The following TUSC3 variants were observed in gnomAD, a reference collection of about 807,000 sequenced individuals.
TUSC3 encodes the protein tumor suppressor candidate 3.
TUSC3 carries 45 observed loss-of-function variants against 44.8 expected under a neutral mutation model. The ratio of observed to expected loss-of-function variants is 1.00; its 90% CI spans 0.79 to 1.29. TUSC3 has a LOEUF of 1.29. TUSC3 is among the 50% of genes most tolerant of loss of function. TUSC3 has a pLI of 0.00. For synonymous variants in TUSC3, 212 were observed against 152.9 expected (o/e 1.39, Z -2.85); for missense variants, 519 against 437.9 (o/e 1.19, Z -1.65).
intron 1 of TUSC3, among the ~76,000 whole-genome samples, chr8:15,582,767 C>G (rs560141619): frequency 1.3e-5 from 2 of 152,324 alleles, no homozygotes; most frequent in South Asian, 2.1e-4. Flanking sequence ...CAACCTGCCT[C>G]AACTCGAAGA....
intron 6 of TUSC3, among the ~76,000 whole-genome samples, chr8:15,727,728 C>G (rs1279995701): frequency 1.3e-5 from 2 of 152,182 alleles, no homozygotes; most frequent in Non-Finnish European, 2.9e-5. Flanking sequence ...GAAACAGCTT[C>G]TCGGCCTTTT....
chr8:15,549,751 T>TAAA (rs1225991032), intron 1 of TUSC3, among the ~76,000 whole-genome samples: 1 of 151,564 alleles, frequency 6.6e-6, no homozygotes, highest in Non-Finnish European at 1.5e-5. Context: ...GGTTGTGCTG[T>TAAA]TTTTTGCCAT....
Position 15,675,553 on chromosome 8 carries a change from C to T in TUSC3, c.798+1717C>T, listed in dbSNP as rs138725989. ...ATTGGGGTATGAATGATCTTGTCAC[C>T]GAAGTACTGAGTATAGTACCAAATA... is the stretch of plus-strand genomic sequence containing the variant. On this transcript the variant is annotated intron_variant, in intron 6 of 10. Coordinates refer to ENST00000503731, the MANE Select transcript of TUSC3 (RefSeq NM_006765.4). Among the ~76,000 whole-genome samples, 234 of 151,966 alleles carry T rather than the reference C, an allele frequency of 1.5e-3. 2 individuals are homozygous for T. The highest frequency in any genetic ancestry group is 2.1e-3 in the Non-Finnish European group (145 of 67,956).
At chr8:15,615,260 T>C (rs1428636958) in intron 1 of TUSC3, among the ~76,000 whole-genome samples, 2 of 152,216 alleles carry the variant, frequency 1.3e-5, no homozygotes, top group African/African-American at 4.8e-5. Flanking sequence ...ATATACACAA[T>C]GGAATGTTAT....
intron 1 of TUSC3, among the ~76,000 whole-genome samples, chr8:15,622,627 T>A (rs1162103918): frequency 6.6e-6 from 1 of 152,166 alleles, no homozygotes; most frequent in African/African-American, 2.4e-5. Flanking sequence ...CATACAACAC[T>A]CTTTTGTGTA....
At chr8:15,547,267 A>G (rs954460966) in intron 1 of TUSC3, among the ~76,000 whole-genome samples, 4 of 151,618 alleles carry the variant, frequency 2.6e-5, no homozygotes, top group Non-Finnish European at 5.9e-5. Context: ...TTAGAAGTAT[A>G]ATTTTTAGAA....
chr8:15,475,452 C>G (rs1458983050), intron 1 of TUSC3, among the ~76,000 whole-genome samples: 1 of 152,226 alleles, frequency 6.6e-6, no homozygotes, highest in East Asian at 1.9e-4. Context: ...TTATTCTTCC[C>G]ATCTTTCAGT....
intron 1 of TUSC3, among the ~76,000 whole-genome samples, chr8:15,480,320 AG>A (rs1800640980): frequency 6.6e-6 from 1 of 152,242 alleles, no homozygotes; most frequent in South Asian, 2.1e-4. Context: ...TCACATAATT[AG>A]AAAAACCTAC....
At chr8:15,742,763 A>G (rs1331949450) in intron 7 of TUSC3, among the ~76,000 whole-genome samples, 2 of 152,248 alleles carry the variant, frequency 1.3e-5, no homozygotes, top group Non-Finnish European at 1.5e-5. Context: ...GGCGAAATAC[A>G]TATTTTCAGA....
chr8:15,435,503 A>T (rs1219058377), intron 1 of TUSC3, among the ~76,000 whole-genome samples: 1 of 152,224 alleles, frequency 6.6e-6, no homozygotes, highest in Non-Finnish European at 1.5e-5. Context: ...TGCATATTTC[A>T]AATAGCATAT....
chr8:15,671,192 A>G (rs983433975), intron 5 of TUSC3, among the ~76,000 whole-genome samples: 1 of 151,990 alleles, frequency 6.6e-6, no homozygotes, highest in Non-Finnish European at 1.5e-5. Context: ...AATGTTTCTT[A>G]CCTTGGGCAG....
intron 2 of TUSC3, among the ~76,000 whole-genome samples, chr8:15,491,129 A>T (rs573686300): frequency 6.6e-6 from 1 of 152,214 alleles, no homozygotes; most frequent in Non-Finnish European, 1.5e-5. Context: ...GCATTTTTAT[A>T]TAAGATAAAA....
intron 6 of TUSC3, among the ~76,000 whole-genome samples, chr8:15,688,366 G>A (rs547078071): frequency 2.9e-4 from 44 of 151,178 alleles, no homozygotes; most frequent in Non-Finnish European, 5.6e-4. Context: ...GCTAGTCTCT[G>A]ACTTTAGTAA....
chr8:15,566,480 A>G (rs1480156204), intron 1 of TUSC3, among the ~76,000 whole-genome samples: 1 of 152,178 alleles, frequency 6.6e-6, no homozygotes, highest in African/African-American at 2.4e-5. Context: ...ACATGGTAAC[A>G]GCTGCTAAAG....
intron 1 of TUSC3, among the ~76,000 whole-genome samples, chr8:15,433,118 C>G (rs1410488253): frequency 6.6e-6 from 1 of 152,080 alleles, no homozygotes; most frequent in African/African-American, 2.4e-5. Context: ...TTTGCTAGTC[C>G]TTTTTGCATT....
At chr8:15,800,980 T>C in the TUSC3 span, among the ~76,000 whole-genome samples, 1 of 152,166 alleles carries the variant, frequency 6.6e-6, no homozygotes, top group Non-Finnish European at 1.5e-5. Context: ...CCTGCACTAT[T>C]TTAGCTGTTA....
At chr8:15,827,159 C>G in the TUSC3 span, among the ~76,000 whole-genome samples, 45 of 152,238 alleles carry the variant, frequency 3.0e-4, no homozygotes, top group Admixed American at 9.2e-4. Flanking sequence ...ACATCCCTCT[C>G]CATGATCCTA....
At chr8:15,455,576 T>C (rs1356650424) in intron 1 of TUSC3, among the ~76,000 whole-genome samples, 1 of 152,196 alleles carries the variant, frequency 6.6e-6, no homozygotes, top group Non-Finnish European at 1.5e-5. Context: ...ACATATACTT[T>C]TTTTTAACTA....
chr8:15,460,227 C>T (rs75796322), intron 1 of TUSC3, among the ~76,000 whole-genome samples: 7,444 of 152,066 alleles, frequency 0.049, 247 homozygotes, highest in South Asian at 0.1. Flanking sequence ...TGATTATGGC[C>T]ATTCTTGTGG....
Sources: allele counts gnomAD v4.1 joint callset (sites outside exome capture counted in the v4.1 genomes callset), GRCh38; gene constraint gnomAD v4.1.1; transcripts MANE v1.5; gene names NCBI Gene and HGNC (gene_info 2026-07-23, HGNC 2026-07-21).